SLC16A7: variants seen among roughly 807,000 people sequenced by gnomAD.
SLC16A7 encodes monocarboxylate transporter 2.
In SLC16A7, 33 loss-of-function variants were observed where a neutral mutation model predicts 34.9. That is an observed-to-expected ratio of 0.94 (90% CI 0.72 to 1.26). The LOEUF is 1.26. SLC16A7 is among the 50% of genes most tolerant of loss of function. The pLI, the probability that SLC16A7 is intolerant of heterozygous loss-of-function variation, is 0.00. For missense variants in SLC16A7, 573 were observed against 578.1 expected (o/e 0.99, Z 0.09); for synonymous variants, 201 against 206.6 (o/e 0.97, Z 0.23).
intron 3 of SLC16A7, among the ~76,000 whole-genome samples, chr12:59,718,249 T>A (rs1458293369): frequency 6.6e-6 from 1 of 152,194 alleles, no homozygotes. Flanking sequence ...GTTTATTTAT[T>A]CCTTTGGAGT....
intron 1 of SLC16A7, among the ~76,000 whole-genome samples, chr12:59,624,501 T>A (rs1434576588): frequency 6.6e-6 from 1 of 151,796 alleles, no homozygotes; most frequent in African/African-American, 2.4e-5. Context: ...TATTTGAAAC[T>A]TGGATTAAGC....
intron 3 of SLC16A7, among the ~76,000 whole-genome samples, chr12:59,722,306 A>G (rs1875699179): frequency 6.6e-6 from 1 of 151,894 alleles, no homozygotes; most frequent in South Asian, 2.1e-4. Flanking sequence ...TCCAACACTT[A>G]ATCACTTCTC....
At chr12:59,740,560 T>G (rs1331021909) in intron 3 of SLC16A7, among the ~76,000 whole-genome samples, 1 of 152,094 alleles carries the variant, frequency 6.6e-6, no homozygotes, top group African/African-American at 2.4e-5. Flanking sequence ...GGGACGTATC[T>G]CAAAATAATA....
Position 59,779,583 on chromosome 12 carries a change from A to G in SLC16A7, c.1341A>G (p.Glu447=), listed in dbSNP as rs1883090089. 6.2e-7 allele frequency: 1 copy of G among 1,612,570 alleles called. No individual in the cohort carries two copies. The highest frequency in any genetic ancestry group is 1.1e-5 in the South Asian group (1 of 91,018). Reference sequence around the variant, plus strand: ...AAAATGCAAGGCAGAAGACCAGAGAATCTGAACCCTTGAGCAAATCTAAAC... The same window carrying G: ...AAAATGCAAGGCAGAAGACCAGAGAGTCTGAACCCTTGAGCAAATCTAAAC... ...KEENARQKTR[E]SEPLSKSKHS... is the part of the protein sequence containing the mutation. Residue 447 remains glutamate (E), a synonymous_variant, in exon 6 of 6, where the codon GAA becomes GAG. Coordinates refer to ENST00000547379, the MANE Select transcript of SLC16A7 (RefSeq NM_001270623.2).
chr12:59,718,958 C>T (rs551336001), intron 3 of SLC16A7, among the ~76,000 whole-genome samples: 1 of 152,050 alleles, frequency 6.6e-6, no homozygotes, highest in African/African-American at 2.4e-5. Flanking sequence ...ATCTAGGACC[C>T]GATTCCCCCA....
chr12:59,733,758 C>T (rs991403987), intron 3 of SLC16A7: 2 of 456,062 alleles, frequency 4.4e-6, no homozygotes, highest in Non-Finnish European at 8.8e-6. Context: ...GAATGAAGCA[C>T]ATGGACAACC....
chr12:59,681,100 G>C (rs530660437), intron 2 of SLC16A7, among the ~76,000 whole-genome samples: 1 of 152,264 alleles, frequency 6.6e-6, no homozygotes, highest in Non-Finnish European at 1.5e-5. Context: ...TGGAAAAAAT[G>C]ACCCCTGTTC....
chr12:59,756,654 G>C (rs946873519), intron 3 of SLC16A7, among the ~76,000 whole-genome samples: 1 of 143,924 alleles, frequency 6.9e-6, no homozygotes, highest in Admixed American at 6.8e-5. Context: ...CTACACTGTT[G>C]GTGGGACTGT....
At chr12:59,709,019 A>G (rs1041116219) in intron 3 of SLC16A7, among the ~76,000 whole-genome samples, 5 of 151,722 alleles carry the variant, frequency 3.3e-5, no homozygotes, top group South Asian at 2.1e-4. Context: ...GGTAGAAAAC[A>G]TAATTTAAAC....
intron 3 of SLC16A7, among the ~76,000 whole-genome samples, chr12:59,758,978 A>G (rs1049801717): frequency 1.3e-5 from 2 of 151,896 alleles, no homozygotes; most frequent in African/African-American, 4.8e-5. Context: ...TTTTGGGTCA[A>G]TCATTAGTCT....
At chr12:59,614,651 G>T (rs1448369994) in intron 1 of SLC16A7, among the ~76,000 whole-genome samples, 1 of 151,608 alleles carries the variant, frequency 6.6e-6, no homozygotes, top group Non-Finnish European at 1.5e-5. Flanking sequence ...ATTAGTTTGT[G>T]AGGGTTCCTG....
At chr12:59,610,473 T>G (rs1293398831) in intron 1 of SLC16A7, among the ~76,000 whole-genome samples, 1 of 152,258 alleles carries the variant, frequency 6.6e-6, no homozygotes, top group Non-Finnish European at 1.5e-5. Flanking sequence ...ATTTGAATAT[T>G]GTTTTCTTCT....
chr12:59,756,402 A>G (rs1880348813), intron 3 of SLC16A7, among the ~76,000 whole-genome samples: 1 of 152,060 alleles, frequency 6.6e-6, no homozygotes, highest in African/African-American at 2.4e-5. Context: ...ACTCAAACAA[A>G]TATACAAGAG....
At chr12:59,722,025 AT>A (rs1252436731) in intron 3 of SLC16A7, among the ~76,000 whole-genome samples, 4 of 151,862 alleles carry the variant, frequency 2.6e-5, no homozygotes, top group Non-Finnish European at 5.9e-5. Flanking sequence ...TGTAGCTCAT[AT>A]TTATAGGCTG....
intron 3 of SLC16A7, among the ~76,000 whole-genome samples, chr12:59,759,422 G>T (rs1742577353): frequency 1.3e-5 from 2 of 151,968 alleles, no homozygotes; most frequent in African/African-American, 2.4e-5. Context: ...AGTTAGGGAT[G>T]CAAAGAAACA....
intron 1 of SLC16A7, among the ~76,000 whole-genome samples, chr12:59,641,117 G>T (rs1880665732): frequency 6.6e-6 from 1 of 152,048 alleles, no homozygotes; most frequent in Non-Finnish European, 1.5e-5. Context: ...GATGTAGGGA[G>T]AAATGGATGA....
chr12:59,656,156 A>G (rs931043531), intron 2 of SLC16A7, among the ~76,000 whole-genome samples: 1 of 151,952 alleles, frequency 6.6e-6, no homozygotes, highest in Non-Finnish European at 1.5e-5. Context: ...CCTCTGTTGT[A>G]TCATGTACTC....
intron 1 of SLC16A7, among the ~76,000 whole-genome samples, chr12:59,604,997 C>G (rs936843405): frequency 2.0e-5 from 3 of 152,138 alleles, no homozygotes; most frequent in African/African-American, 7.2e-5. Flanking sequence ...CAGGCGCCCG[C>G]CACCACGCCC....
chr12:59,738,093 T>C lies in SLC16A7; in HGVS notation c.217+33075T>C, dbSNP rs1356833865. 3.9e-5 allele frequency among the ~76,000 whole-genome samples: 6 copies of C among 152,288 alleles called. No individual in the cohort carries two copies. The South Asian group carries it at 1.2e-3, about 32-fold the overall frequency. On this transcript the variant is annotated intron_variant, in intron 3 of 5. Transcript: ENST00000547379. ...CTCATGGTGCTTTATCACAGAGATA[T>C]TGTACTTATAAAAAATGTATTCACA...
Sources: gnomAD v4.1 joint callset for allele counts (sites outside exome capture counted in the v4.1 genomes callset) on GRCh38, gnomAD v4.1.1 for gene constraint, MANE v1.5 for transcripts, NCBI Gene and HGNC (gene_info 2026-07-23, HGNC 2026-07-21) for gene names.